LMTK3: variants seen among roughly 807,000 people sequenced by gnomAD.
LMTK3 encodes the protein serine/threonine-protein kinase LMTK3.
A neutral mutation model predicts 116.7 loss-of-function variants in LMTK3; 27 were observed. The observed-to-expected ratio is 0.23, with a 90% confidence interval of 0.17 to 0.32. The LOEUF (loss-of-function observed/expected upper bound fraction) is 0.32. Among genes scored for constraint, LMTK3 ranks in the 10% least tolerant of loss-of-function variants. The pLI is 1.00. For synonymous variants in LMTK3, 965 were observed against 971.0 expected (o/e 0.99, Z 0.11); for missense variants, 1,764 against 2,068.5 (o/e 0.85, Z 2.86).
upstream of LMTK3, chr19:48,511,918 G>T: frequency 4.0e-6 from 1 of 249,038 alleles, no homozygotes; most frequent in Non-Finnish European, 7.7e-6. Flanking sequence ...CAGAGAGCCT[G>T]TCACAGGAAG....
At chr19:48,495,499 G>A (rs955053894) in intron 11 of LMTK3, among the ~76,000 whole-genome samples, 7 of 152,164 alleles carry the variant, frequency 4.6e-5, no homozygotes, top group Admixed American at 2.6e-4. Context: ...ATCCTCTGAC[G>A]CATCTTAGCT....
Position 48,485,298 on chromosome 19 carries a change from T to C in LMTK3, c.*475A>G. 6.4e-6 allele frequency: 1 copy of C among 157,424 alleles called. No homozygotes were observed. Among genetic ancestry groups the C allele is most frequent in the Non-Finnish European group, 1.4e-5 (1 of 70,640 alleles). The allele number at this position is 157,424 out of a possible 1,614,324, so 9.8% of individuals were successfully genotyped here. Reference sequence around the variant, plus strand: ...CCTCCAAAAAGTTGTTTTTGTCTTTTTTAAATAATGTGAAAATGCCACGCG... The same window carrying C: ...CCTCCAAAAAGTTGTTTTTGTCTTTCTTAAATAATGTGAAAATGCCACGCG... On this transcript the variant is annotated 3_prime_UTR_variant, in exon 15 of 15. Coordinates refer to ENST00000600059, the MANE Select transcript of LMTK3 (RefSeq NM_001388485.1).
chr19:48,501,921 T>C (rs1434138632), intron 7 of LMTK3, among the ~76,000 whole-genome samples: 2 of 133,052 alleles, frequency 1.5e-5, no homozygotes, highest in Non-Finnish European at 3.2e-5. Context: ...TCCGTTCCTC[T>C]CCTGGACCCT....
chr19:48,511,171 C>T (rs560892224), intron 1 of LMTK3, among the ~76,000 whole-genome samples: 4 of 152,332 alleles, frequency 2.6e-5, no homozygotes, highest in East Asian at 1.9e-4. Flanking sequence ...CGTGTTGTGT[C>T]CCCCTTAGAA....
intron 5 of LMTK3, among the ~76,000 whole-genome samples, chr19:48,505,357 G>A (rs757625335): frequency 1.3e-3 from 203 of 151,866 alleles, no homozygotes; most frequent in Non-Finnish European, 2.4e-3. Context: ...CAGGTAATCC[G>A]CCTGCCTGGG....
intron 14 of LMTK3, among the ~76,000 whole-genome samples, chr19:48,488,200 C>T (rs988520432): frequency 6.6e-6 from 1 of 152,168 alleles, no homozygotes; most frequent in African/African-American, 2.4e-5. Context: ...AATGCACCCC[C>T]ACCCTGTCCT....
upstream of LMTK3, among the ~76,000 whole-genome samples, chr19:48,512,478 C>T (rs1972678820): frequency 6.6e-6 from 1 of 152,126 alleles, no homozygotes; most frequent in South Asian, 2.1e-4. Flanking sequence ...CGCAGACAGT[C>T]CCTAGACAAA....
At position 48,497,284 on chromosome 19, in the gene LMTK3, C is replaced by CAGGTGG. The variant is rs1972344039; in HGVS notation, c.3676+108_3676+109insCCACCT. The CAGGTGG allele has an allele frequency of 2.4e-6, 3 of 1,226,136 alleles. No homozygotes were observed. Among genetic ancestry groups the CAGGTGG allele is most frequent in the Non-Finnish European group, 3.2e-6 (3 of 943,004 alleles). The allele number at this position is 1,226,136 out of a possible 1,614,324, so 76.0% of individuals were successfully genotyped here. ...GCCCAGGTGGTGCAGGCTTCAGGACCTGCATTCATCACTGCCAGCCCGACC... is the reference window on the plus strand; with the variant it reads ...GCCCAGGTGGTGCAGGCTTCAGGACCAGGTGGTGCATTCATCACTGCCAGCCCGACC... On this transcript the variant is annotated intron_variant, in intron 11 of 14. Coordinates refer to ENST00000600059, the MANE Select transcript of LMTK3 (RefSeq NM_001388485.1). This position sits in a 1 kb window ranked among gnomAD's most constrained non-coding sequence, Gnocchi z 5.7.
In LMTK3 at chr19:48,494,176, G is replaced by T. The variant is rs1176159003; in HGVS notation, c.3677-67C>A. The T allele has an allele frequency of 3.0e-6, 3 of 1,000,698 alleles. No individual in the cohort carries two copies. The highest frequency in any genetic ancestry group is 1.7e-5 in the African/African-American group (1 of 58,210). 62.0% of individuals were successfully genotyped at this position (1,000,698 alleles called of 1,614,324 possible). A position where few individuals can be genotyped will look rare whatever the true frequency, so the allele number is the denominator to read the frequency against. The stretch of plus-strand genomic sequence containing the variant: ...CTGAGGCAGGCCCTCCCACCTAGCT[G>T]TGTGGCCTCAGATAAGACCCCCGCA... On this transcript the variant is annotated intron_variant, in intron 11 of 14. Coordinates refer to ENST00000600059, the MANE Select transcript of LMTK3 (RefSeq NM_001388485.1). This position sits in a 1 kb window ranked among gnomAD's most constrained non-coding sequence, Gnocchi z 4.0.
rs61743326 is a variant in LMTK3 at position 48,498,288 on chromosome 19, T to A, written c.2781A>T (p.Thr927=). ...CTCTCTGGTCCCCGTTCTCCAGCAC[T>A]GTCACCCCGTTCACTGGGAGGCTCA... ...PSLSLPVNGV[T]VLENGDQRAP... is the part of the protein sequence containing the mutation. The change falls in exon 11 of 15, where the codon ACA becomes ACT. Residue 927 remains threonine (T), a synonymous_variant. Coordinates refer to ENST00000600059, the MANE Select transcript of LMTK3 (RefSeq NM_001388485.1). 5,836 of 1,613,282 alleles carry A rather than the reference T, an allele frequency of 3.6e-3. 167 individuals carry two copies. The African/African-American group carries it at 0.068, about 19-fold the overall frequency.
At chr19:48,513,014 G>T (rs1972685976), upstream of LMTK3, 2 of 788,206 alleles carry the variant, frequency 2.5e-6, no homozygotes, top group Non-Finnish European at 4.4e-6. This position sits in a 1 kb window ranked among gnomAD's most constrained non-coding sequence, Gnocchi z 5.6. Flanking sequence ...CAAAGACACA[G>T]AACCCCACCA....
In LMTK3 at chr19:48,510,584, C is replaced by T. The variant is rs752586672; in HGVS notation, c.85G>A (p.Ala29Thr). 3.2e-6 allele frequency: 5 copies of T among 1,583,640 alleles called. No individual in the cohort carries two copies. The highest frequency in any genetic ancestry group is 1.4e-5 in the African/African-American group (1 of 73,834). The change falls in exon 2 of 15, where the codon GCC (alanine) becomes ACC (threonine). Residue 29 changes from alanine (A) to threonine (T), a missense_variant. Ala to Thr is a moderately conservative substitution (Grantham distance 58). Around this residue, in one of 7 missense-constraint regions of LMTK3, gnomAD observed 66 missense variants for 61.1 expected, o/e 1.08. Coordinates refer to ENST00000600059, the MANE Select transcript of LMTK3 (RefSeq NM_001388485.1). The stretch of plus-strand genomic sequence containing the variant: ...GGAGCCAGAGGAGCCCGGCCCAGGG[C>T]GAATCCATCTGTGGGCACAGGGCTG... ...LASPAHPDGF[A>T]LGRAPLAPPY... is the part of the protein sequence containing the mutation.
At chr19:48,493,163 C>G (rs904234380) in intron 12 of LMTK3, among the ~76,000 whole-genome samples, 2 of 151,934 alleles carry the variant, frequency 1.3e-5, no homozygotes, top group African/African-American at 4.8e-5. Context: ...GACTCTGTCC[C>G]GATCCTAGGC....
Position 48,498,134 on chromosome 19 carries a change from G to A in LMTK3, c.2935C>T (p.Leu979=). Residue 979 remains leucine, a synonymous_variant, in exon 11 of 15, where the codon CTG becomes TTG. Coordinates refer to ENST00000600059, the MANE Select transcript of LMTK3 (RefSeq NM_001388485.1). ...TTCTCCCCGGCCTCTGGGGACCTCA[G>A]CTCCCCATTCTCCAGCGCTTTCTCC... is the stretch of plus-strand genomic sequence containing the variant. ...REEKALENGE[L]RSPEAGEKVL... 10 of 1,613,502 alleles carry A rather than the reference G, an allele frequency of 6.2e-6. No individual in the cohort carries two copies. The highest frequency in any genetic ancestry group is 7.6e-6 in the Non-Finnish European group (9 of 1,179,800).
chr19:48,505,207 G>A lies in LMTK3; in HGVS notation c.558-2211C>T, dbSNP rs532284295. Reference sequence around the variant, plus strand: ...TGGCTCACTGCAACCTCCATCTCCCGGGCTCCAGCAATTCTCCTGCCTCAT... The same window carrying A: ...TGGCTCACTGCAACCTCCATCTCCCAGGCTCCAGCAATTCTCCTGCCTCAT... On this transcript the variant is annotated intron_variant, in intron 5 of 14. Transcript: ENST00000600059. 7.2e-5 allele frequency among the ~76,000 whole-genome samples: 10 copies of A among 139,232 alleles called. No individual in the cohort carries two copies. In the South Asian group the frequency reaches 2.2e-3, roughly 31 times the overall value. The allele number at this position is 139,232 out of a possible 152,430, so 91.3% of individuals were successfully genotyped here. A position where few individuals can be genotyped will look rare whatever the true frequency, so the allele number is the denominator to read the frequency against.
In LMTK3 at chr19:48,497,882, A is replaced by G. The variant is rs1972362743; in HGVS notation, c.3187T>C (p.Ser1063Pro). 6.9e-7 allele frequency: 1 copy of G among 1,443,560 alleles called. No homozygotes were observed. 89.4% of individuals were successfully genotyped at this position (1,443,560 alleles called of 1,614,324 possible). A position where few individuals can be genotyped will look rare whatever the true frequency, so the allele number is the denominator to read the frequency against. Residue 1063 changes from serine (S) to proline (P), a missense_variant, in exon 11 of 15, where the codon TCC becomes CCC. Physicochemically the swap from Ser to Pro is moderately conservative, Grantham distance 74. This residue lies in a region of LMTK3 where 1,028 missense variants were observed against 1,050.6 expected (regional missense o/e 0.98). Transcript: ENST00000600059. The surrounding 1 kb of genome is among the most constrained non-coding windows in gnomAD (Gnocchi z 5.7). ...ERAPAPSAVV[S>P]SRNGGETAPG... ...GCTGTCTCCCCGCCGTTCCGGGAGG[A>G]GACCACTGCGCTGGGTGCAGGGGCT...
chr19:48,506,577 G>T (rs188813286), intron 5 of LMTK3, among the ~76,000 whole-genome samples: 85 of 152,332 alleles, frequency 5.6e-4, no homozygotes, highest in African/African-American at 1.9e-3. Context: ...GCCTTCTATT[G>T]CCTGTGTGTA....
At chr19:48,511,014 C>T (rs1972649471) in intron 1 of LMTK3, among the ~76,000 whole-genome samples, 1 of 152,182 alleles carries the variant, frequency 6.6e-6, no homozygotes, top group Non-Finnish European at 1.5e-5. Flanking sequence ...ATTCTTGCCC[C>T]ATGCTGGAAC....
intron 9 of LMTK3, 25 bp downstream of exon 9, chr19:48,501,258 G>A (rs769025277): frequency 1.9e-6 from 3 of 1,611,268 alleles, no homozygotes; most frequent in Non-Finnish European, 1.7e-6. Context: ...GGCCTGCCTC[G>A]GCCCCCGCGG....
Sources: allele counts gnomAD v4.1 joint callset (sites outside exome capture counted in the v4.1 genomes callset), GRCh38; gene constraint gnomAD v4.1.1; regional missense constraint gnomAD v4.1.1; non-coding constraint Gnocchi (gnomAD v3.1); transcripts MANE v1.5; gene names NCBI Gene and HGNC (gene_info 2026-07-23, HGNC 2026-07-21).